Variants in MARCHF1 observed in about 807,000 individuals in gnomAD.
MARCHF1 encodes membrane associated ring-CH-type finger 1, also known as E3 ubiquitin-protein ligase MARCHF1.
Under a neutral mutation model 54.2 loss-of-function variants are expected in MARCHF1, and 40 were observed. That is an observed-to-expected ratio of 0.74 (90% CI 0.57 to 0.96). The LOEUF is 0.96. Ranked by LOEUF, MARCHF1 falls within the 40% of genes least tolerant of loss-of-function variation. MARCHF1 has a pLI of 0.00. For missense variants in MARCHF1, 586 were observed against 656.5 expected (o/e 0.89, Z 1.17); for synonymous variants, 236 against 236.3 (o/e 1.00, Z 0.01).
At chr4:163,839,466 A>G (rs1431228764) in intron 4 of MARCHF1, among the ~76,000 whole-genome samples, 1 of 152,124 alleles carries the variant, frequency 6.6e-6, no homozygotes, top group African/African-American at 2.4e-5. Context: ...AAACAACCCA[A>G]ATCAACTGCT....
At chr4:163,968,220 T>C (rs17578295) in intron 3 of MARCHF1, among the ~76,000 whole-genome samples, 27,985 of 120,824 alleles carry the variant, frequency 0.23, 3,211 homozygotes, top group South Asian at 0.45. Context: ...TGTTTGCTCA[T>C]TGGACCCTAT....
chr4:163,925,486 T>C (rs576519224), intron 3 of MARCHF1, among the ~76,000 whole-genome samples: 1 of 151,850 alleles, frequency 6.6e-6, no homozygotes, highest in African/African-American at 2.4e-5. Flanking sequence ...AATCAACCCA[T>C]TGTTACATTA....
At position 163,575,974 on chromosome 4, in the gene MARCHF1, T is replaced by G. The variant is rs75441790; in HGVS notation, c.1191+9775A>C. Among the ~76,000 whole-genome samples the G allele has an allele frequency of 3.1e-3, 469 of 152,178 alleles. 4 individuals are homozygous for G. Among genetic ancestry groups the G allele is most frequent in the African/African-American group, 0.011 (452 of 41,564 alleles). ...AGTTAGTGGCCTATTGACCTTGTTT[T>G]TCTTTTCAAAGAGCGAACTTTTTGT... On this transcript the variant is annotated intron_variant, in intron 8 of 9. Coordinates refer to ENST00000514618, the MANE Select transcript of MARCHF1 (RefSeq NM_001394959.1).
chr4:163,889,330 A>G (rs980819190), intron 3 of MARCHF1, among the ~76,000 whole-genome samples: 3 of 152,162 alleles, frequency 2.0e-5, no homozygotes, highest in East Asian at 1.9e-4. Context: ...AAAGGTTAAT[A>G]TCTTATTTAG....
rs528450936 is a variant in MARCHF1, at chr4:163,737,909, G to C, written c.112-37046C>G. On this transcript the variant is annotated intron_variant, in intron 4 of 9. Coordinates refer to ENST00000514618, the MANE Select transcript of MARCHF1 (RefSeq NM_001394959.1). ...TTTGACCCAGCCATCCCATTACTGG[G>C]TATATACCCAAAGGACTATAAATCA... Among the ~76,000 whole-genome samples the C allele has an allele frequency of 7.3e-4, 57 of 78,004 alleles. 3 individuals carry two copies. The highest frequency in any genetic ancestry group is 1.6e-3 in the African/African-American group (53 of 33,084). 51.2% of individuals were successfully genotyped at this position (78,004 alleles called of 152,430 possible).
At chr4:164,044,543 G>A (rs1754199803) in intron 2 of MARCHF1, among the ~76,000 whole-genome samples, 1 of 152,008 alleles carries the variant, frequency 6.6e-6, no homozygotes, top group African/African-American at 2.4e-5. Flanking sequence ...ATTTGGGTGT[G>A]TACACAAATC....
intron 1 of MARCHF1, among the ~76,000 whole-genome samples, chr4:164,145,044 C>T (rs1481867109): frequency 2.1e-5 from 3 of 141,624 alleles, no homozygotes; most frequent in South Asian, 2.3e-4. Flanking sequence ...CTACAAACAC[C>T]TCTACGCAAA....
chr4:164,198,791 C>G (rs545378289), intron 1 of MARCHF1, among the ~76,000 whole-genome samples: 3 of 152,288 alleles, frequency 2.0e-5, no homozygotes, highest in African/African-American at 7.2e-5. Context: ...CATCTTGTCT[C>G]ATACTATGTC....
chr4:163,816,473 A>T (rs1430382293), intron 4 of MARCHF1, among the ~76,000 whole-genome samples: 1 of 151,878 alleles, frequency 6.6e-6, no homozygotes, highest in East Asian at 1.9e-4. Flanking sequence ...TACCCTAACA[A>T]AACATCTTTA....
intron 5 of MARCHF1, among the ~76,000 whole-genome samples, chr4:163,679,373 C>T (rs900354388): frequency 3.3e-5 from 5 of 152,132 alleles, no homozygotes; most frequent in African/African-American, 1.2e-4. Flanking sequence ...CCTACTGCCA[C>T]TTAACGCTTT....
chr4:163,910,433 C>T (rs1751164870), intron 3 of MARCHF1, among the ~76,000 whole-genome samples: 1 of 152,156 alleles, frequency 6.6e-6, no homozygotes. Context: ...TGACCTATTG[C>T]TATAATATGC....
chr4:163,983,544 A>C (rs1752802804), intron 3 of MARCHF1, among the ~76,000 whole-genome samples: 1 of 152,134 alleles, frequency 6.6e-6, no homozygotes, highest in Non-Finnish European at 1.5e-5. Context: ...CCCCACTTAG[A>C]GGTTAGCAGG....
At chr4:163,949,003 T>A (rs1370187157) in intron 3 of MARCHF1, among the ~76,000 whole-genome samples, 3 of 152,214 alleles carry the variant, frequency 2.0e-5, no homozygotes, top group African/African-American at 7.2e-5. Context: ...ATCTTTCCAG[T>A]GGGAAATCTC....
At chr4:164,045,867 AG>A in intron 2 of MARCHF1, among the ~76,000 whole-genome samples, 1 of 152,298 alleles carries the variant, frequency 6.6e-6, no homozygotes, top group South Asian at 2.1e-4. Flanking sequence ...ATATATAGCA[AG>A]ATATCTAAAA....
intron 1 of MARCHF1, among the ~76,000 whole-genome samples, chr4:164,239,585 A>C (rs1255468395): frequency 3.3e-5 from 5 of 152,112 alleles, no homozygotes; most frequent in African/African-American, 7.2e-5. Flanking sequence ...GTCAGGGTGC[A>C]CTACAGTATG....
intron 5 of MARCHF1, among the ~76,000 whole-genome samples, chr4:163,679,768 A>G (rs1744037994): frequency 6.6e-6 from 1 of 151,374 alleles, no homozygotes; most frequent in South Asian, 2.1e-4. Context: ...GCCCACCACC[A>G]CGCCCGGCTA....
intron 2 of MARCHF1, among the ~76,000 whole-genome samples, chr4:164,015,900 CAAAAAA>C (rs770216277): frequency 2.8e-5 from 4 of 143,564 alleles, no homozygotes; most frequent in African/African-American, 1.1e-4. Flanking sequence ...TAAGTTTCCC[CAAAAAA>C]AAAAAAAACT....
intron 2 of MARCHF1, chr4:164,055,158 T>C (rs1263014162): frequency 2.0e-5 from 3 of 152,066 alleles, no homozygotes; most frequent in African/African-American, 4.8e-5. Flanking sequence ...AAATTACCGA[T>C]GGGGACCAGG....
At chr4:163,916,450 T>A (rs73868937) in intron 3 of MARCHF1, among the ~76,000 whole-genome samples, 4 of 93,676 alleles carry the variant, frequency 4.3e-5, no homozygotes, top group African/African-American at 1.4e-4. Flanking sequence ...CACAGGTGTG[T>A]AAGGGTCTGA....
Sources: allele counts gnomAD v4.1 joint callset (sites outside exome capture counted in the v4.1 genomes callset), GRCh38; gene constraint gnomAD v4.1.1; transcripts MANE v1.5; gene names NCBI Gene and HGNC (gene_info 2026-07-23, HGNC 2026-07-21).